ZNF462: variants seen among roughly 807,000 people sequenced by gnomAD.
The protein encoded by ZNF462 is zinc finger PBX1-interacting protein.
In ZNF462, 10 loss-of-function variants were observed where a neutral mutation model predicts 201.9. The observed-to-expected ratio is 0.05, with a 90% CI of 0.03 to 0.08. ZNF462 has a LOEUF of 0.08. ZNF462 is among the 10% of genes least tolerant of loss of function. The probability of loss-of-function intolerance (pLI) is 1.00; values close to 1 mark genes in which losing one functional copy is unlikely to be tolerated. For synonymous variants in ZNF462, 1,227 were observed against 1,193.3 expected, an observed-to-expected ratio of 1.03 and a Z score of -0.58; for missense variants, 2,523 against 3,168.3, an observed-to-expected ratio of 0.80 and a Z score of 4.89.
chr9:106,961,057 A>G (rs1335909250), intron 7 of ZNF462, among the ~76,000 whole-genome samples: 1 of 152,096 alleles, frequency 6.6e-6, no homozygotes, highest in Non-Finnish European at 1.5e-5. Flanking sequence ...CACAGATTGC[A>G]AAGGGCTCTA....
rs1199778379 is a variant in ZNF462 at position 106,981,659 on chromosome 9, A to G, written c.6833-2527A>G. ...CAGGGTGTTATTCTGACTATTCATGACTTTGTGTAAAATTCACTTAGACAC... is the reference window on the plus strand; with the variant it reads ...CAGGGTGTTATTCTGACTATTCATGGCTTTGTGTAAAATTCACTTAGACAC... On this transcript the variant is annotated intron_variant, in intron 9 of 12. Transcript: ENST00000277225. The surrounding 1 kb of genome is among the most constrained non-coding windows in gnomAD (Gnocchi z 4.0). Among the ~76,000 whole-genome samples, 1 of 152,220 alleles carries G rather than the reference A, an allele frequency of 6.6e-6. No individual in the cohort carries two copies. Among genetic ancestry groups the G allele is most frequent in the Non-Finnish European group, 1.5e-5 (1 of 68,034 alleles).
intron 1 of ZNF462, among the ~76,000 whole-genome samples, chr9:106,889,962 C>A (rs1391360083): frequency 1.3e-5 from 2 of 152,166 alleles, no homozygotes; most frequent in Non-Finnish European, 2.9e-5. Context: ...AGGGTAACTG[C>A]CTTAAGAAGC....
In ZNF462 at chr9:106,890,432, A is replaced by G. The variant is rs1272029853; in HGVS notation, c.-31+27077A>G. Among the ~76,000 whole-genome samples the G allele has an allele frequency of 6.6e-6, 1 of 152,212 alleles. No homozygotes were observed. The highest frequency in any genetic ancestry group is 1.5e-5 in the Non-Finnish European group (1 of 68,036). On this transcript the variant is annotated intron_variant, in intron 1 of 12. Coordinates refer to ENST00000277225, the MANE Select transcript of ZNF462 (RefSeq NM_021224.6). This position sits in a 1 kb window ranked among gnomAD's most constrained non-coding sequence, Gnocchi z 4.2. ...TCCTTCTGGAGTCCTTTTTGGGCAT[A>G]CAAAAATCTAGCACTTGAAGCCACT...
intron 1 of ZNF462, among the ~76,000 whole-genome samples, chr9:106,868,544 A>C (rs1827446420): frequency 6.6e-6 from 1 of 152,210 alleles, no homozygotes; most frequent in South Asian, 2.1e-4. Context: ...CACTGTAAGT[A>C]AGGACTATTA....
At chr9:106,957,554 G>T (rs895519227) in intron 7 of ZNF462, among the ~76,000 whole-genome samples, 14 of 152,026 alleles carry the variant, frequency 9.2e-5, no homozygotes, top group Admixed American at 3.3e-4. Flanking sequence ...GTAATATTTT[G>T]TAGTGCAATA....
At position 106,928,942 on chromosome 9, in the gene ZNF462, G is replaced by C. The variant is rs774452321; in HGVS notation, c.5030G>C (p.Arg1677Thr). Reference sequence around the variant, plus strand: ...TGCTCCACGAGGAAGGGGATCGCCAGGCACTACCGCATCAAGCACAATAAT... The same window carrying C: ...TGCTCCACGAGGAAGGGGATCGCCACGCACTACCGCATCAAGCACAATAAT... ...YFCSTRKGIA[R>T]HYRIKHNNVR... The change falls in exon 3 of 13, where the codon AGG (arginine) becomes ACG (threonine). Residue 1677 changes from arginine to threonine, a missense_variant. This residue lies in a region of ZNF462 where 200 missense variants were observed against 281.3 expected (regional missense o/e 0.71). Transcript: ENST00000277225. The surrounding 1 kb of genome is among the most constrained non-coding windows in gnomAD (Gnocchi z 9.3). 6.2e-6 allele frequency: 10 copies of C among 1,613,990 alleles called. No homozygotes were observed. Among genetic ancestry groups the C allele is most frequent in the Non-Finnish European group, 8.5e-6 (10 of 1,180,036 alleles).
chr9:106,927,745 A>G lies in ZNF462; in HGVS notation c.3833A>G (p.Tyr1278Cys). The change falls in exon 3 of 13, where the codon TAT (tyrosine) becomes TGT (cysteine). Residue 1278 changes from tyrosine (Y) to cysteine (C), a missense_variant. Tyr to Cys is a radical substitution (Grantham distance 194, BLOSUM62 -2). Coordinates refer to ENST00000277225, the MANE Select transcript of ZNF462 (RefSeq NM_021224.6). ...RQCSYTSPYF[Y>C]ALRKHIKKDH... ...TGCTCATATACCTCCCCCTACTTCT[A>G]TGCACTGAGGAAGCATATCAAGAAA... 1 of 1,614,072 alleles carries G rather than the reference A, an allele frequency of 6.2e-7. No individual in the cohort carries two copies.
chr9:106,892,856 C>A (rs1828648753), intron 1 of ZNF462, among the ~76,000 whole-genome samples: 1 of 152,156 alleles, frequency 6.6e-6, no homozygotes, highest in African/African-American at 2.4e-5. Flanking sequence ...TTAATGGATT[C>A]CACAGCTGTG....
chr9:106,995,312 T>C (rs1331093841), intron 10 of ZNF462, among the ~76,000 whole-genome samples: 4 of 152,188 alleles, frequency 2.6e-5, no homozygotes, highest in Admixed American at 2.6e-4. Context: ...CTGTGCTCTA[T>C]ATCCTTCTGG....
At chr9:106,992,984 G>A (rs1828405521) in intron 10 of ZNF462, among the ~76,000 whole-genome samples, 2 of 152,046 alleles carry the variant, frequency 1.3e-5, no homozygotes, top group African/African-American at 4.8e-5. Flanking sequence ...GGATTAATGT[G>A]GAATAGACTT....
intron 1 of ZNF462, among the ~76,000 whole-genome samples, chr9:106,864,227 G>T (rs970410105): frequency 3.3e-5 from 5 of 151,910 alleles, no homozygotes; most frequent in Admixed American, 6.6e-5. Flanking sequence ...CCGGCCGGGT[G>T]GGGGGCGCAG....
In ZNF462 at chr9:106,962,769, T is replaced by C. The variant is rs1408322526; in HGVS notation, c.6428-9236T>C. On this transcript the variant is annotated intron_variant, in intron 7 of 12. Transcript: ENST00000277225. This position sits in a 1 kb window ranked among gnomAD's most constrained non-coding sequence, Gnocchi z 4.6. The stretch of plus-strand genomic sequence containing the variant: ...TCAACCTTATTTTCAGGATTAGGCG[T>C]TTGTTTTTCCGTTTGCCTCCATGAC... 2.0e-5 allele frequency among the ~76,000 whole-genome samples: 3 copies of C among 152,044 alleles called. No homozygotes were observed. Among genetic ancestry groups the C allele is most frequent in the Non-Finnish European group, 4.4e-5 (3 of 67,976 alleles).
chr9:106,957,463 G>A (rs542115659), intron 7 of ZNF462, among the ~76,000 whole-genome samples: 71 of 152,110 alleles, frequency 4.7e-4, no homozygotes, highest in African/African-American at 1.6e-3. Context: ...TGCATGACAC[G>A]GACACAGGAA....
chr9:106,979,766 A>G (rs1047879610), intron 9 of ZNF462, among the ~76,000 whole-genome samples: 3 of 147,260 alleles, frequency 2.0e-5, no homozygotes, highest in Non-Finnish European at 4.4e-5. Flanking sequence ...GCCCATGTAT[A>G]TGTATCTTGC....
At chr9:106,879,504 G>A (rs922035014) in intron 1 of ZNF462, among the ~76,000 whole-genome samples, 8 of 152,028 alleles carry the variant, frequency 5.3e-5, no homozygotes, top group Admixed American at 2.6e-4. Context: ...CATGTAGGGC[G>A]GGCAAAGGAA....
At chr9:106,888,263 G>A (rs551349083) in intron 1 of ZNF462, among the ~76,000 whole-genome samples, 1 of 151,312 alleles carries the variant, frequency 6.6e-6, no homozygotes, top group East Asian at 1.9e-4. Flanking sequence ...GGATGGTCTC[G>A]ATCTCCTGAC....
chr9:106,881,925 A>G (rs1828115110), intron 1 of ZNF462, among the ~76,000 whole-genome samples: 1 of 152,110 alleles, frequency 6.6e-6, no homozygotes, highest in African/African-American at 2.4e-5. Context: ...TGTTTTGACT[A>G]TTGCTACACG....
chr9:106,932,461 G>A lies in ZNF462; in HGVS notation c.6028G>A (p.Glu2010Lys). 6.2e-7 allele frequency: 1 copy of A among 1,614,258 alleles called. No homozygotes were observed. The highest frequency in any genetic ancestry group is 8.5e-7 in the Non-Finnish European group (1 of 1,180,050). The change falls in exon 5 of 13, where the codon GAG (glutamate) becomes AAG (lysine). Residue 2010 changes from glutamate (E) to lysine (K), a missense_variant. By Grantham distance (56) the Glu-to-Lys change is moderately conservative. This residue lies in a region of ZNF462 where 107 missense variants were observed against 187.7 expected (regional missense o/e 0.57). Transcript: ENST00000277225. This position sits in a 1 kb window ranked among gnomAD's most constrained non-coding sequence, Gnocchi z 6.8. ...SAAVKGLRSH[E>K]RSHLALAMFT... The stretch of plus-strand genomic sequence containing the variant: ...GTCCATGCAGGGGCTGCGTTCTCAT[G>A]AGAGGAGCCACCTGGCCCTGGCCAT...
At chr9:106,887,579 T>G (rs1407034659) in intron 1 of ZNF462, among the ~76,000 whole-genome samples, 6 of 152,204 alleles carry the variant, frequency 3.9e-5, no homozygotes, top group Admixed American at 1.3e-4. Flanking sequence ...CAAGAATATT[T>G]AAGGGACTTG....
Sources: gnomAD v4.1 joint callset for allele counts (sites outside exome capture counted in the v4.1 genomes callset) on GRCh38, gnomAD v4.1.1 for gene constraint, gnomAD v4.1.1 regional missense constraint, Gnocchi (gnomAD v3.1) non-coding constraint, MANE v1.5 for transcripts, NCBI Gene and HGNC (gene_info 2026-07-23, HGNC 2026-07-21) for gene names.